The following MORC1 variants were observed in gnomAD, a reference collection of about 807,000 sequenced individuals.
MORC1 encodes MORC family CW-type zinc finger 1.
In MORC1, 59 loss-of-function variants were observed where a neutral mutation model predicts 134.9. The ratio of observed to expected loss-of-function variants is 0.44; its 90% CI spans 0.35 to 0.54. The LOEUF is 0.54. Among genes scored for constraint, MORC1 ranks in the 20% least tolerant of loss-of-function variants. MORC1 has a pLI of 0.00. For synonymous variants in MORC1, 395 were observed against 391.7 expected (o/e 1.01, Z -0.10); for missense variants, 947 against 1,134.5 (o/e 0.83, Z 2.37).
At chr3:109,108,724 C>T (rs911899470) in intron 3 of MORC1, among the ~76,000 whole-genome samples, 1 of 151,908 alleles carries the variant, frequency 6.6e-6, no homozygotes, top group Non-Finnish European at 1.5e-5. Flanking sequence ...GGTGAAACCC[C>T]GGCTCTACTA....
At position 109,097,391 on chromosome 3, in the gene MORC1, G is replaced by A. The variant is rs1027759415; in HGVS notation, c.423+1967C>T. Among the ~76,000 whole-genome samples the A allele has an allele frequency of 5.3e-5, 8 of 152,200 alleles. 1 individual carries two copies. The highest frequency in any genetic ancestry group is 5.2e-4 in the Admixed American group (8 of 15,280). On this transcript the variant is annotated intron_variant, in intron 6 of 27. Coordinates refer to ENST00000232603, the MANE Select transcript of MORC1 (RefSeq NM_014429.4). ...ATAAAAACCTTTTAATGCATGTGAG[G>A]TCTCCAGATATTTTGCCCCCTATGT...
At position 109,086,159 on chromosome 3, in the gene MORC1, C is replaced by T. The variant is rs1017985901; in HGVS notation, c.689+7277G>A. ...TACAGTTAAATAGAAGAAATAAGAC[C>T]TACTGTTCAACAGATCAATAGGGTA... On this transcript the variant is annotated intron_variant, in intron 8 of 27. Coordinates refer to ENST00000232603, the MANE Select transcript of MORC1 (RefSeq NM_014429.4). Among the ~76,000 whole-genome samples, 4 of 151,836 alleles carry T rather than the reference C, an allele frequency of 2.6e-5. 1 individual carries two copies. The highest frequency in any genetic ancestry group is 9.7e-5 in the African/African-American group (4 of 41,308).
rs149465111 is a variant in MORC1 at position 109,025,095 on chromosome 3, T to C, written c.1704+2656A>G. Reference sequence around the variant, plus strand: ...GGTCTTCTGTTCAGTAATTACCATATTATAACTATATGGGAGTTGCATCAT... The same window carrying C: ...GGTCTTCTGTTCAGTAATTACCATACTATAACTATATGGGAGTTGCATCAT... On this transcript the variant is annotated intron_variant, in intron 17 of 27. Coordinates refer to ENST00000232603, the MANE Select transcript of MORC1 (RefSeq NM_014429.4). Among the ~76,000 whole-genome samples the C allele has an allele frequency of 4.1e-3, 618 of 152,294 alleles. 3 individuals are homozygous for C. The highest frequency in any genetic ancestry group is 6.2e-3 in the South Asian group (30 of 4,822).
At chr3:109,027,346 A>C (rs1391685736) in intron 17 of MORC1, among the ~76,000 whole-genome samples, 3 of 152,222 alleles carry the variant, frequency 2.0e-5, no homozygotes, top group Non-Finnish European at 4.4e-5. Context: ...ATGTTTTTTA[A>C]AAGAACTCTT....
intron 8 of MORC1, among the ~76,000 whole-genome samples, chr3:109,074,562 C>G (rs966262663): frequency 6.6e-6 from 1 of 152,172 alleles, no homozygotes; most frequent in Non-Finnish European, 1.5e-5. Context: ...TAAATTCCCT[C>G]TCTCACCCTA....
rs63701060 is a variant in MORC1 at position 109,025,379 on chromosome 3, C to CTTT, written c.1704+2369_1704+2371dup. Among the ~76,000 whole-genome samples the CTTT allele has an allele frequency of 7.8e-4, 82 of 105,074 alleles. 2 individuals are homozygous for CTTT. The highest frequency in any genetic ancestry group is 1.9e-3 in the African/African-American group (52 of 27,150). 68.9% of individuals were successfully genotyped at this position (105,074 alleles called of 152,430 possible). The stretch of plus-strand genomic sequence containing the variant: ...TTTCTTTGGTTTCTTTTTCTTTTTT[C>CTTT]TTTTTTTTTTTTTTTTTTTTTTTTT... On this transcript the variant is annotated intron_variant, in intron 17 of 27. Transcript: ENST00000232603.
chr3:109,016,151 T>G (rs1948811916), intron 17 of MORC1, among the ~76,000 whole-genome samples: 1 of 152,222 alleles, frequency 6.6e-6, no homozygotes, highest in Non-Finnish European at 1.5e-5. Flanking sequence ...CTTGTAGTGT[T>G]GTATCACACT....
rs369437766 is a variant in MORC1, at chr3:109,027,914, T to C, written c.1566-25A>G. ...ACTTCAGAATCAACAAGTACAAGAT[T>C]AACATCAGGAGAAATATAAAACTAC... On this transcript the variant is annotated intron_variant, in intron 16 of 27. Coordinates refer to ENST00000232603, the MANE Select transcript of MORC1 (RefSeq NM_014429.4). 120 of 1,608,440 alleles carry C rather than the reference T, an allele frequency of 7.5e-5. No individual in the cohort carries two copies. The African/African-American group carries it at 1.1e-3, about 14-fold the overall frequency.
In MORC1 at chr3:109,093,528, AACC is replaced by A; in HGVS notation, c.594_596del (p.Val199del). 1.9e-6 allele frequency: 3 copies of A among 1,612,750 alleles called. No individual in the cohort carries two copies. The highest frequency in any genetic ancestry group is 2.5e-6 in the Non-Finnish European group (3 of 1,178,866). On this transcript the variant is annotated inframe_deletion, in exon 8 of 28. Transcript: ENST00000232603. Reference sequence around the variant, plus strand: ...TAAGCAGAAGCTTCAAGTTATAAATAACCAGCAAAGTACCTGGTAGAAAAATAG... The same window carrying A: ...TAAGCAGAAGCTTCAAGTTATAAATAAGCAAAGTACCTGGTAGAAAAATAG...
chr3:109,005,895 C>T (rs988717990), intron 18 of MORC1, among the ~76,000 whole-genome samples: 10 of 152,200 alleles, frequency 6.6e-5, no homozygotes, highest in African/African-American at 2.2e-4. Context: ...AAGTAACCCT[C>T]TCCGCAACAG....
chr3:109,025,951 A>T (rs753785627), intron 17 of MORC1, among the ~76,000 whole-genome samples: 3 of 152,198 alleles, frequency 2.0e-5, no homozygotes, highest in African/African-American at 4.8e-5. Flanking sequence ...AGTAAAACCA[A>T]CACTACCCCT....
At position 109,035,469 on chromosome 3, in the gene MORC1, CT is replaced by C. The variant is rs758380552; in HGVS notation, c.1331-2del. 1 of 1,304,476 alleles carries C rather than the reference CT, an allele frequency of 7.7e-7. No homozygotes were observed. The highest frequency in any genetic ancestry group is 1.0e-6 in the Non-Finnish European group (1 of 996,348). 80.8% of individuals were successfully genotyped at this position (1,304,476 alleles called of 1,614,324 possible). A position where few individuals can be genotyped will look rare whatever the true frequency, so the allele number is the denominator to read the frequency against. ...CAAAACAATGTTAAATTTCTATTAT[CT>C]TTTAAAAAAAAAAGCAGGCAAAGAA... On this transcript the variant is annotated splice_acceptor_variant, in intron 14 of 27. Transcript: ENST00000232603. LOFTEE classifies it high-confidence loss of function.
chr3:109,118,054 G>A lies in MORC1; in HGVS notation c.6C>T (p.Asp2=), dbSNP rs1252896875. The A allele has an allele frequency of 6.2e-7, 1 of 1,608,754 alleles. No homozygotes were observed. The highest frequency in any genetic ancestry group is 2.2e-5 in the East Asian group (1 of 44,724). Residue 2 remains aspartate, a synonymous_variant, in exon 1 of 28, where the codon GAC becomes GAT. Coordinates refer to ENST00000232603, the MANE Select transcript of MORC1 (RefSeq NM_014429.4). M[D]DRYPALQRAQ... ...CCCGCTGAAGCGCAGGGTACCTGTC[G>A]TCCATGCCCTCGAACACGACCCGCG...
intron 14 of MORC1, 137 bp downstream of exon 14, chr3:109,054,591 C>A: frequency 1.4e-6 from 1 of 732,060 alleles, no homozygotes. Flanking sequence ...CTTCTCACTC[C>A]TGTTTTTAAA....
chr3:109,038,443 T>C (rs1949432151), intron 14 of MORC1, among the ~76,000 whole-genome samples: 1 of 152,196 alleles, frequency 6.6e-6, no homozygotes, highest in Non-Finnish European at 1.5e-5. Context: ...TCAGTTTAAT[T>C]AGATCCCATT....
chr3:109,035,842 TA>T (rs1044099442), intron 14 of MORC1, among the ~76,000 whole-genome samples: 20 of 152,188 alleles, frequency 1.3e-4, no homozygotes, highest in African/African-American at 4.3e-4. Context: ...AGGGCACTCT[TA>T]AAATTATTGA....
chr3:109,036,864 C>T (rs1169814464), intron 14 of MORC1, among the ~76,000 whole-genome samples: 1 of 152,186 alleles, frequency 6.6e-6, no homozygotes, highest in East Asian at 1.9e-4. Context: ...TTCAGACTTT[C>T]AGTTTCTTCT....
intron 1 of MORC1, 143 bp downstream of exon 1, chr3:109,117,852 A>G: frequency 1.4e-6 from 1 of 717,282 alleles, no homozygotes. Context: ...TCATCGTTTT[A>G]AAAAAAGCCT....
chr3:108,963,343 T>G, intron 27 of MORC1, 71 bp downstream of exon 27: 1 of 1,267,408 alleles, frequency 7.9e-7, no homozygotes, highest in Admixed American at 2.1e-5. Context: ...ATGACAATGT[T>G]AGGAGAAGTT....
Sources: allele counts gnomAD v4.1 joint callset (sites outside exome capture counted in the v4.1 genomes callset), GRCh38; gene constraint gnomAD v4.1.1; transcripts MANE v1.5; gene names NCBI Gene and HGNC (gene_info 2026-07-23, HGNC 2026-07-21).